DMTF1: variants seen among roughly 807,000 people sequenced by gnomAD.
The protein encoded by DMTF1 is cyclin-D-binding Myb-like transcription factor 1.
A neutral mutation model predicts 91.1 loss-of-function variants in DMTF1; 39 were observed. The observed-to-expected ratio is 0.43, with a 90% confidence interval of 0.33 to 0.56. The LOEUF (loss-of-function observed/expected upper bound fraction) is 0.56, where lower values mean the gene tolerates loss of function less well. Among genes scored for constraint, DMTF1 ranks in the 20% least tolerant of loss-of-function variants. DMTF1 has a pLI of 0.05. For missense variants in DMTF1, 750 were observed against 914.5 expected (o/e 0.82, Z 2.32); for synonymous variants, 338 against 309.5 (o/e 1.09, Z -0.97).
chr7:87,169,360 G>C (rs1046209757), intron 4 of DMTF1, among the ~76,000 whole-genome samples: 69 of 152,310 alleles, frequency 4.5e-4, no homozygotes, highest in African/African-American at 1.6e-3. Flanking sequence ...TAGGGAGGCT[G>C]AGGTGGGAGA....
intron 6 of DMTF1, 101 bp downstream of exon 6, chr7:87,173,750 T>C (rs1160329406): frequency 3.5e-6 from 2 of 564,888 alleles, no homozygotes; most frequent in Admixed American, 7.4e-5. Context: ...TCACTGGGAT[T>C]GAGCAGTTAG....
chr7:87,193,900 C>T lies in DMTF1; in HGVS notation c.1826C>T (p.Ala609Val). ...CCTGAGCCTCCAGACGCCCTAGAAGCAGACACTTTCCCAGATGAAATTCAT... is the reference window on the plus strand; with the variant it reads ...CCTGAGCCTCCAGACGCCCTAGAAGTAGACACTTTCCCAGATGAAATTCAT... ...DFPEPPDALE[A>V]DTFPDEIHHP... Residue 609 changes from alanine (A) to valine (V), a missense_variant, in exon 16 of 18, where the codon GCA becomes GTA. Ala to Val is a moderately conservative substitution (Grantham distance 64). Around this residue, in one of 3 missense-constraint regions of DMTF1, gnomAD observed 410 missense variants for 420.2 expected, o/e 0.98. Transcript: ENST00000331242. 1 of 1,613,348 alleles carries T rather than the reference C, an allele frequency of 6.2e-7. No individual in the cohort carries two copies. Among genetic ancestry groups the T allele is most frequent in the Non-Finnish European group, 8.5e-7 (1 of 1,179,584 alleles).
intron 12 of DMTF1, chr7:87,186,817 C>T (rs1798562717): frequency 1.3e-5 from 2 of 152,094 alleles, no homozygotes; most frequent in South Asian, 4.1e-4. Flanking sequence ...GACAGAATCA[C>T]CTAATGGCTC....
chr7:87,160,447 G>A (rs558741395), intron 1 of DMTF1, among the ~76,000 whole-genome samples: 5 of 151,326 alleles, frequency 3.3e-5, no homozygotes, highest in Non-Finnish European at 7.4e-5. Context: ...GCTAATTTTT[G>A]TATTTTTAGT....
intron 14 of DMTF1, among the ~76,000 whole-genome samples, chr7:87,191,810 C>T (rs1221025341): frequency 6.6e-6 from 1 of 151,990 alleles, no homozygotes; most frequent in South Asian, 2.1e-4. Flanking sequence ...ACTGAATGCC[C>T]TTTCTAAAAC....
Position 87,193,852 on chromosome 7 carries a change from G to A in DMTF1, c.1778G>A (p.Ser593Asn). 6.2e-7 allele frequency: 1 copy of A among 1,613,376 alleles called. No homozygotes were observed. The highest frequency in any genetic ancestry group is 8.5e-7 in the Non-Finnish European group (1 of 1,179,606). Residue 593 changes from serine (S) to asparagine (N), a missense_variant, in exon 16 of 18, where the codon AGT becomes AAT. Ser to Asn is a conservative substitution (Grantham distance 46). This residue lies in a region of DMTF1 where 410 missense variants were observed against 420.2 expected (regional missense o/e 0.98). Coordinates refer to ENST00000331242, the MANE Select transcript of DMTF1 (RefSeq NM_001142327.2). ...TCCCAAGCAGAACTGACAGTCGATA[G>A]TGATATTCAGTCATCTGATTTTCCT... ...SISQAELTVD[S>N]DIQSSDFPEP...
intron 1 of DMTF1, among the ~76,000 whole-genome samples, chr7:87,153,206 T>C (rs1370721482): frequency 6.6e-6 from 1 of 152,030 alleles, no homozygotes; most frequent in Non-Finnish European, 1.5e-5. Flanking sequence ...TCGGGATAGC[T>C]GGCCGAACCG....
chr7:87,158,668 A>G (rs1349449288), intron 1 of DMTF1, among the ~76,000 whole-genome samples: 1 of 152,120 alleles, frequency 6.6e-6, no homozygotes, highest in African/African-American at 2.4e-5. Flanking sequence ...GTGATTTATC[A>G]AGTAATCACT....
chr7:87,189,790 C>T (rs1187418394), intron 13 of DMTF1, among the ~76,000 whole-genome samples: 1 of 152,002 alleles, frequency 6.6e-6, no homozygotes, highest in African/African-American at 2.4e-5. Context: ...TTTAAACAAC[C>T]CTTTGAAAAT....
intron 5 of DMTF1, among the ~76,000 whole-genome samples, chr7:87,171,356 A>G (rs1795034789): frequency 6.6e-6 from 1 of 152,192 alleles, no homozygotes; most frequent in East Asian, 1.9e-4. Context: ...AATTTCTAGT[A>G]TTTGTTTAAT....
intron 3 of DMTF1, 36 bp downstream of exon 3, chr7:87,165,086 T>A: frequency 1.4e-6 from 2 of 1,445,904 alleles, no homozygotes; most frequent in Non-Finnish European, 1.9e-6. Flanking sequence ...TCTGACTCTC[T>A]GAATTTATGA....
intron 3 of DMTF1, 122 bp downstream of exon 3, chr7:87,165,172 A>C: frequency 2.0e-6 from 1 of 510,836 alleles, no homozygotes; most frequent in Non-Finnish European, 3.5e-6. Context: ...ACAGTAGAAA[A>C]GGAGATTATC....
chr7:87,183,042 A>G (rs1030141544), intron 10 of DMTF1, among the ~76,000 whole-genome samples: 3 of 152,208 alleles, frequency 2.0e-5, no homozygotes, highest in African/African-American at 7.2e-5. Context: ...CCTTTTAGCC[A>G]TAATGTTCTC....
intron 14 of DMTF1, among the ~76,000 whole-genome samples, chr7:87,191,990 CT>C (rs1799926647): frequency 6.6e-6 from 1 of 152,118 alleles, no homozygotes; most frequent in South Asian, 2.1e-4. Flanking sequence ...TGGCAGCTTA[CT>C]TAACCTAAGT....
At chr7:87,193,397 C>T in intron 15 of DMTF1, 44 bp downstream of exon 15, 1 of 1,601,008 alleles carries the variant, frequency 6.2e-7, no homozygotes, top group Admixed American at 1.7e-5. Context: ...CTGTTATAGA[C>T]CAGGATTAGT....
rs397889347 is a variant in DMTF1, at chr7:87,180,856, C to CTTT, written c.678-434_678-432dup. On this transcript the variant is annotated intron_variant, in intron 8 of 17. Coordinates refer to ENST00000331242, the MANE Select transcript of DMTF1 (RefSeq NM_001142327.2). Reference sequence around the variant, plus strand: ...TAAAAATAGAAGCATTTATTTTCAACTTTTTTTTTTTTTTTTTTTTTGAGA... The same window carrying CTTT: ...TAAAAATAGAAGCATTTATTTTCAACTTTTTTTTTTTTTTTTTTTTTTTTGAGA... Among the ~76,000 whole-genome samples the CTTT allele has an allele frequency of 2.7e-3, 344 of 127,656 alleles. 5 individuals are homozygous for CTTT. Among genetic ancestry groups the CTTT allele is most frequent in the East Asian group, 0.012 (54 of 4,500 alleles). 83.7% of individuals were successfully genotyped at this position (127,656 alleles called of 152,430 possible). A position where few individuals can be genotyped will look rare whatever the true frequency, so the allele number is the denominator to read the frequency against.
chr7:87,154,700 G>C (rs1190515695), intron 1 of DMTF1, among the ~76,000 whole-genome samples: 1 of 152,166 alleles, frequency 6.6e-6, no homozygotes, highest in African/African-American at 2.4e-5. Flanking sequence ...CAGCATGGTT[G>C]GGAAATGTTT....
Position 87,168,821 on chromosome 7 carries a change from A to G in DMTF1, c.233-2174A>G, listed in dbSNP as rs1794437567. On this transcript the variant is annotated intron_variant, in intron 4 of 17. Transcript: ENST00000331242. ...ACAGCTCTCTAGTGTTCTTTTTCCC[A>G]CTCTGAGATGACTGTTTCATTTGTC... 3.3e-5 allele frequency among the ~76,000 whole-genome samples: 5 copies of G among 151,806 alleles called. No homozygotes were observed. In the South Asian group the frequency reaches 1.0e-3, roughly 32 times the overall value.
chr7:87,181,388 C>T (rs758570894), intron 9 of DMTF1, 47 bp downstream of exon 9: 17 of 940,802 alleles, frequency 1.8e-5, no homozygotes, highest in South Asian at 8.9e-5. Flanking sequence ...TTATGTCTTA[C>T]GTCCTTAAAA....
Sources: allele counts gnomAD v4.1 joint callset (sites outside exome capture counted in the v4.1 genomes callset), GRCh38; gene constraint gnomAD v4.1.1; regional missense constraint gnomAD v4.1.1; transcripts MANE v1.5; gene names NCBI Gene and HGNC (gene_info 2026-07-23, HGNC 2026-07-21).